Variants in TRIM3 observed in about 807,000 individuals in gnomAD.
TRIM3 encodes the protein tripartite motif containing 3.
A neutral mutation model predicts 66.6 loss-of-function variants in TRIM3; 13 were observed. The observed-to-expected ratio is 0.20, with a 90% confidence interval of 0.13 to 0.31. TRIM3 has a LOEUF of 0.31. TRIM3 is among the 10% of genes least tolerant of loss of function. TRIM3 has a pLI of 1.00. For missense variants in TRIM3, 711 were observed against 1,020.4 expected (o/e 0.70, Z 4.13); for synonymous variants, 406 against 411.7 (o/e 0.99, Z 0.17).
chr11:6,458,247 C>A lies in TRIM3; in HGVS notation c.181G>T (p.Val61Leu), dbSNP rs1451177695. 1 of 1,614,106 alleles carries A rather than the reference C, an allele frequency of 6.2e-7. No individual in the cohort carries two copies. The highest frequency in any genetic ancestry group is 1.7e-5 in the Admixed American group (1 of 60,008). Reference sequence around the variant, plus strand: ...GGGAGGATGGACGTCTGCCGGCATACTGGACAGGATAGCGTCAGGCTCTGG... The same window carrying A: ...GGGAGGATGGACGTCTGCCGGCATAATGGACAGGATAGCGTCAGGCTCTGG... The part of the protein sequence containing the change: ...PAQSLTLSCP[V>L]CRQTSILPEQ... Residue 61 changes from valine to leucine, a missense_variant, in exon 3 of 12, where the codon GTA becomes TTA. By Grantham distance (32) the Val-to-Leu change is conservative. Transcript: ENST00000345851. This position sits in a 1 kb window ranked among gnomAD's most constrained non-coding sequence, Gnocchi z 6.2.
At chr11:6,466,462 ACT>A (rs1487875849) in intron 1 of TRIM3, among the ~76,000 whole-genome samples, 1 of 152,132 alleles carries the variant, frequency 6.6e-6, no homozygotes, top group Non-Finnish European at 1.5e-5. Context: ...TCTTGTCAGT[ACT>A]CTGTTTAAAT....
intron 7 of TRIM3, chr11:6,452,369 A>G (rs1849759305): frequency 6.6e-6 from 1 of 152,198 alleles, no homozygotes. Flanking sequence ...TACTCACTAC[A>G]TAAGTCTCAT....
At chr11:6,470,518 C>T (rs1589840975) in intron 1 of TRIM3, among the ~76,000 whole-genome samples, 2 of 152,190 alleles carry the variant, frequency 1.3e-5, no homozygotes, top group South Asian at 4.1e-4. Flanking sequence ...ATCCTCCTGC[C>T]TTGGCCTGCC....
At chr11:6,470,301 G>A (rs1479395183) in intron 1 of TRIM3, among the ~76,000 whole-genome samples, 3 of 152,220 alleles carry the variant, frequency 2.0e-5, no homozygotes, top group African/African-American at 4.8e-5. Context: ...AGAGTTAGGG[G>A]AGAAGAAGGA....
intron 7 of TRIM3, 88 bp downstream of exon 7, chr11:6,455,984 G>T: frequency 7.8e-7 from 1 of 1,288,244 alleles, no homozygotes; most frequent in South Asian, 1.2e-5. Flanking sequence ...CATCTTCCAG[G>T]AGGTGACCTG....
rs1589827464 is a variant in TRIM3, at chr11:6,456,017, C to A, written c.1533+55G>T. Reference sequence around the variant, plus strand: ...CTGTACATTCTATCTTTTCAGTAGCCTGTAGCTTGAAAACTCTTATTTTGG... The same window carrying A: ...CTGTACATTCTATCTTTTCAGTAGCATGTAGCTTGAAAACTCTTATTTTGG... On this transcript the variant is annotated intron_variant, in intron 7 of 11. Coordinates refer to ENST00000345851, the MANE Select transcript of TRIM3 (RefSeq NM_033278.4). This position sits in a 1 kb window ranked among gnomAD's most constrained non-coding sequence, Gnocchi z 6.4. 1 of 1,533,208 alleles carries A rather than the reference C, an allele frequency of 6.5e-7. No individual in the cohort carries two copies. The highest frequency in any genetic ancestry group is 2.2e-5 in the East Asian group (1 of 44,450). 95.0% of individuals were successfully genotyped at this position (1,533,208 alleles called of 1,614,324 possible).
rs1274455544 is a variant in TRIM3 at position 6,456,608 on chromosome 11, C to T, written c.1118G>A (p.Arg373His). The change falls in exon 6 of 12, where the codon CGC (arginine) becomes CAC (histidine). Residue 373 changes from arginine (R) to histidine (H), a missense_variant. Coordinates refer to ENST00000345851, the MANE Select transcript of TRIM3 (RefSeq NM_033278.4). This position sits in a 1 kb window ranked among gnomAD's most constrained non-coding sequence, Gnocchi z 6.4. ...GTGGTCCACCACTGGCACCGGAAGG[C>T]GCGTGCCGTCCGGGCCGGTGATCTC... is the stretch of plus-strand genomic sequence containing the variant. ...RAEITGPDGTRLPVPVVDHKN... is the reference protein window; with the variant it reads ...RAEITGPDGTHLPVPVVDHKN... The T allele has an allele frequency of 2.5e-6, 4 of 1,612,856 alleles. No homozygotes were observed. Among genetic ancestry groups the T allele is most frequent in the Non-Finnish European group, 3.4e-6 (4 of 1,179,848 alleles).
intron 7 of TRIM3, among the ~76,000 whole-genome samples, chr11:6,453,974 G>A (rs556254794): frequency 6.6e-5 from 10 of 152,310 alleles, no homozygotes; most frequent in East Asian, 5.8e-4. Flanking sequence ...TAGCAGTGGC[G>A]ACATAGAGGG....
intron 2 of TRIM3, among the ~76,000 whole-genome samples, chr11:6,459,474 T>C (rs1234362621): frequency 2.0e-5 from 3 of 152,228 alleles, no homozygotes; most frequent in African/African-American, 4.8e-5. Context: ...TTACCATTTA[T>C]TAAGTGCATA....
At position 6,457,237 on chromosome 11, in the gene TRIM3, T is replaced by C. The variant is rs1850033955; in HGVS notation, c.696+59A>G. 6.3e-7 allele frequency: 1 copy of C among 1,587,232 alleles called. No individual in the cohort carries two copies. The highest frequency in any genetic ancestry group is 2.2e-5 in the East Asian group (1 of 44,570). On this transcript the variant is annotated intron_variant, in intron 5 of 11. Transcript: ENST00000345851. This position sits in a 1 kb window ranked among gnomAD's most constrained non-coding sequence, Gnocchi z 4.5. ...GCTGGTGTGGAAGACAGAGGAACAA[T>C]GGAGGCAATAACACCATCACAATGG...
rs1315747408 is a variant in TRIM3 at position 6,450,825 on chromosome 11, T to TG, written c.1870+66dup. The TG allele has an allele frequency of 6.5e-5, 104 of 1,589,444 alleles. No individual in the cohort carries two copies. The highest frequency in any genetic ancestry group is 8.7e-5 in the Non-Finnish European group (101 of 1,162,832). The stretch of plus-strand genomic sequence containing the variant: ...TATAGGAGGAGAGGGCCTTTACAGC[T>TG]GGGGTATCTAGGGGAGTTCTCTGGA... On this transcript the variant is annotated intron_variant, in intron 9 of 11. Transcript: ENST00000345851. The surrounding 1 kb of genome is among the most constrained non-coding windows in gnomAD (Gnocchi z 4.8).
At position 6,457,280 on chromosome 11, in the gene TRIM3, T is replaced by A. The variant is rs758084490; in HGVS notation, c.696+16A>T. On this transcript the variant is annotated intron_variant, in intron 5 of 11. Coordinates refer to ENST00000345851, the MANE Select transcript of TRIM3 (RefSeq NM_033278.4). The surrounding 1 kb of genome is among the most constrained non-coding windows in gnomAD (Gnocchi z 4.5). Reference sequence around the variant, plus strand: ...CACAATGGACGATGGTAGGAAAGGGTGAACACAAGACACACCTTCTGTTTG... The same window carrying A: ...CACAATGGACGATGGTAGGAAAGGGAGAACACAAGACACACCTTCTGTTTG... 1 of 1,612,626 alleles carries A rather than the reference T, an allele frequency of 6.2e-7. No homozygotes were observed. Among genetic ancestry groups the A allele is most frequent in the African/African-American group, 1.3e-5 (1 of 74,844 alleles).
In TRIM3 at chr11:6,465,658, T is replaced by G. The variant is rs1239958661; in HGVS notation, c.38A>C (p.Gln13Pro). 1.9e-6 allele frequency: 3 copies of G among 1,614,174 alleles called. No individual in the cohort carries two copies. The East Asian group carries it at 6.7e-5, about 36-fold the overall frequency. Reference protein sequence around the residue: ...KREDSPGPEVQPMDKQFLVCS... With the variant: ...KREDSPGPEVPPMDKQFLVCS... ...TACCAGGAACTGCTTGTCCATTGGC[T>G]GGACCTCTGGGCCAGGGCTGTCCTC... The change falls in exon 2 of 12, where the codon CAG becomes CCG. Residue 13 changes from glutamine to proline, a missense_variant. By Grantham distance (76) the Gln-to-Pro change is moderately conservative. Transcript: ENST00000345851.
rs900521821 is a variant in TRIM3, at chr11:6,450,986, G to A, written c.1776C>T (p.Val592=). The part of the protein sequence containing the change: ...AVDRNGHIIV[V]DNKSCCVFTF... Reference sequence around the variant, plus strand: ...TAAAGACGCAGCAAGACTTGTTGTCGACCACAATGATATGTCCATTCCGGT... The same window carrying A: ...TAAAGACGCAGCAAGACTTGTTGTCAACCACAATGATATGTCCATTCCGGT... Residue 592 remains valine (V), a synonymous_variant, in exon 9 of 12, where the codon GTC becomes GTT. Coordinates refer to ENST00000345851, the MANE Select transcript of TRIM3 (RefSeq NM_033278.4). This position sits in a 1 kb window ranked among gnomAD's most constrained non-coding sequence, Gnocchi z 4.8. 1.7e-5 allele frequency: 27 copies of A among 1,614,068 alleles called. No homozygotes were observed. In the Admixed American group the frequency reaches 1.8e-4, roughly 11 times the overall value.
In TRIM3 at chr11:6,458,091, G is replaced by T; in HGVS notation, c.337C>A (p.Leu113Ile). 1 of 1,610,452 alleles carries T rather than the reference G, an allele frequency of 6.2e-7. No individual in the cohort carries two copies. The change falls in exon 3 of 12, where the codon CTC (leucine) becomes ATC (isoleucine). Residue 113 changes from leucine (L) to isoleucine (I), a missense_variant. Leu to Ile is a conservative substitution (Grantham distance 5). Coordinates refer to ENST00000345851, the MANE Select transcript of TRIM3 (RefSeq NM_033278.4). This position sits in a 1 kb window ranked among gnomAD's most constrained non-coding sequence, Gnocchi z 6.2. ...TTGCCTTCATGGTTGGGGCAGGAGA[G>T]AGGGCGGCCAGCCACTACACTGAGG... ...HPLSVVAGRP[L>I]SCPNHEGKTM...
chr11:6,450,931 G>A lies in TRIM3; in HGVS notation c.1831C>T (p.Arg611Cys), dbSNP rs750626193. 24 of 1,614,158 alleles carry A rather than the reference G, an allele frequency of 1.5e-5. No individual in the cohort carries two copies. Among genetic ancestry groups the A allele is most frequent in the Admixed American group, 5.0e-5 (3 of 60,032 alleles). The change falls in exon 9 of 12, where the codon CGT (arginine) becomes TGT (cysteine). Residue 611 changes from arginine (R) to cysteine (C), a missense_variant. By Grantham distance (180) the Arg-to-Cys change is radical. Coordinates refer to ENST00000345851, the MANE Select transcript of TRIM3 (RefSeq NM_033278.4). This position sits in a 1 kb window ranked among gnomAD's most constrained non-coding sequence, Gnocchi z 4.8. ...TCAGTGGCCCCACGGCCCCCAAAAC[G>A]GCCAACCAGTTTGCCATTGGGCTGG... Reference protein sequence around the residue: ...TFQPNGKLVGRFGGRGATDRH... With the variant: ...TFQPNGKLVGCFGGRGATDRH...
At position 6,456,375 on chromosome 11, in the gene TRIM3, G is replaced by A; in HGVS notation, c.1351C>T (p.Arg451Cys). 3.3e-6 allele frequency: 5 copies of A among 1,531,976 alleles called. No homozygotes were observed. Among genetic ancestry groups the A allele is most frequent in the South Asian group, 1.3e-5 (1 of 78,530 alleles). The allele number at this position is 1,531,976 out of a possible 1,614,324, so 94.9% of individuals were successfully genotyped here. The change falls in exon 6 of 12, where the codon CGT (arginine) becomes TGT (cysteine). Residue 451 changes from arginine (R) to cysteine (C), a missense_variant. Transcript: ENST00000345851. The surrounding 1 kb of genome is among the most constrained non-coding windows in gnomAD (Gnocchi z 6.4). ...GTGCTGTACATGGAGCTGGGCCTAC[G>A]CACTGCCTTCTGGCGCACATGGCTG... ...PGSHVRQKAVRRPSSMYSTGG... is the reference protein window; with the variant it reads ...PGSHVRQKAVCRPSSMYSTGG...
At chr11:6,470,379 G>A (rs1850632909) in intron 1 of TRIM3, among the ~76,000 whole-genome samples, 1 of 152,120 alleles carries the variant, frequency 6.6e-6, no homozygotes, top group Non-Finnish European at 1.5e-5. Flanking sequence ...TAAGTTTGGT[G>A]TTTATCTTTT....
chr11:6,460,137 T>A (rs1254296312), intron 2 of TRIM3, among the ~76,000 whole-genome samples: 1 of 151,850 alleles, frequency 6.6e-6, no homozygotes, highest in East Asian at 1.9e-4. Context: ...GAAAACTGAG[T>A]GGTACATTTC....
Sources: gnomAD v4.1 joint callset for allele counts (sites outside exome capture counted in the v4.1 genomes callset) on GRCh38, gnomAD v4.1.1 for gene constraint, Gnocchi (gnomAD v3.1) non-coding constraint, MANE v1.5 for transcripts, NCBI Gene and HGNC (gene_info 2026-07-23, HGNC 2026-07-21) for gene names.